RBM25: variants seen among roughly 807,000 people sequenced by gnomAD.
RBM25 encodes RNA-binding protein 25.
Under a neutral mutation model 120.7 loss-of-function variants are expected in RBM25, and 19 were observed. The ratio of observed to expected loss-of-function variants is 0.16; its 90% CI spans 0.11 to 0.23. The LOEUF (loss-of-function observed/expected upper bound fraction) is 0.23, where lower values mean the gene tolerates loss of function less well. Among genes scored for constraint, RBM25 ranks in the 10% least tolerant of loss-of-function variants. The probability of loss-of-function intolerance (pLI) is 1.00; values close to 1 mark genes in which losing one functional copy is unlikely to be tolerated. For synonymous variants in RBM25, 390 were observed against 326.7 expected (o/e 1.19, Z -2.09); for missense variants, 605 against 1,041.5 (o/e 0.58, Z 5.77).
chr14:73,094,614 G>T (rs962222937), intron 6 of RBM25, among the ~76,000 whole-genome samples: 2 of 151,880 alleles, frequency 1.3e-5, no homozygotes, highest in African/African-American at 4.8e-5. Flanking sequence ...TGTGTTTTTA[G>T]TAGAGACGGG....
At chr14:73,114,205 A>T (rs1309876597) in intron 17 of RBM25, 81 bp from the exon 18 acceptor site, 1 of 972,280 alleles carries the variant, frequency 1.0e-6, no homozygotes, top group East Asian at 2.7e-5. Context: ...TATGAATTTG[A>T]GGATTCATAC....
At chr14:73,067,236 A>G (rs574963905) in intron 1 of RBM25, among the ~76,000 whole-genome samples, 5 of 151,862 alleles carry the variant, frequency 3.3e-5, no homozygotes, top group Non-Finnish European at 7.4e-5. Context: ...CACCCAGCTA[A>G]TCAGATACAT....
chr14:73,088,809 C>T (rs188425832), intron 6 of RBM25, among the ~76,000 whole-genome samples: 1 of 152,310 alleles, frequency 6.6e-6, no homozygotes, highest in African/African-American at 2.4e-5. Flanking sequence ...CCAGAAGAGT[C>T]TTTCGCTGTC....
intron 1 of RBM25, among the ~76,000 whole-genome samples, chr14:73,063,325 A>G (rs1263026281): frequency 6.6e-6 from 1 of 150,674 alleles, no homozygotes; most frequent in African/African-American, 2.4e-5. Context: ...AAATTTTTGT[A>G]TTTTTAGTAG....
chr14:73,099,116 A>G (rs1329436298), intron 7 of RBM25, among the ~76,000 whole-genome samples: 1 of 152,156 alleles, frequency 6.6e-6, no homozygotes, highest in East Asian at 1.9e-4. Flanking sequence ...TGTTGGTATG[A>G]TTAGAAAGCC....
Position 73,089,802 on chromosome 14 carries a change from G to A in RBM25, c.543+1641G>A, listed in dbSNP as rs534270836. Among the ~76,000 whole-genome samples the A allele has an allele frequency of 2.2e-3, 337 of 151,664 alleles. 1 individual carries two copies. Among genetic ancestry groups the A allele is most frequent in the African/African-American group, 7.7e-3 (318 of 41,328 alleles). On this transcript the variant is annotated intron_variant, in intron 6 of 18. Coordinates refer to ENST00000261973, the MANE Select transcript of RBM25 (RefSeq NM_021239.3). ...CCTCCTCAGCCTCCCAAGTAGCTGGGATTACAGGTGTCCGCCACCAGGCTC... is the reference window on the plus strand; with the variant it reads ...CCTCCTCAGCCTCCCAAGTAGCTGGAATTACAGGTGTCCGCCACCAGGCTC...
intron 1 of RBM25, among the ~76,000 whole-genome samples, chr14:73,071,285 A>C (rs1895285205): frequency 6.6e-6 from 1 of 151,686 alleles, no homozygotes; most frequent in Non-Finnish European, 1.5e-5. Context: ...AAACTATTAG[A>C]TACCCATCTG....
chr14:73,088,183 C>T, intron 6 of RBM25, 22 bp downstream of exon 6: 1 of 1,612,980 alleles, frequency 6.2e-7, no homozygotes, highest in Non-Finnish European at 8.5e-7. Flanking sequence ...GTCGTGTTAT[C>T]TTTTCTAGGC....
At chr14:73,065,595 T>C (rs759439948) in intron 1 of RBM25, among the ~76,000 whole-genome samples, 3 of 152,060 alleles carry the variant, frequency 2.0e-5, no homozygotes, top group South Asian at 4.1e-4. Flanking sequence ...TGGATAACTT[T>C]TTGTATTAGA....
chr14:73,074,817 T>C (rs1052834243), intron 2 of RBM25, among the ~76,000 whole-genome samples: 4 of 151,478 alleles, frequency 2.6e-5, no homozygotes, highest in African/African-American at 9.7e-5. Flanking sequence ...GTGATTCTCC[T>C]GATTCAGTCT....
intron 1 of RBM25, chr14:73,069,737 C>A (rs1167703880): frequency 1.4e-5 from 1 of 73,398 alleles, no homozygotes; most frequent in Non-Finnish European, 2.6e-5. Flanking sequence ...CCTGGCCGAC[C>A]CTGTTTCTTA....
At chr14:73,099,337 G>A in intron 7 of RBM25, 43 bp from the exon 8 acceptor site, 1 of 1,565,326 alleles carries the variant, frequency 6.4e-7, no homozygotes, top group South Asian at 1.2e-5. Context: ...TATGAGCTCT[G>A]TTTTTCTTTT....
In RBM25 at chr14:73,123,073, TA is replaced by T. The variant is rs1336678445; in HGVS notation, c.*3269del. 1 of 152,178 alleles carries T rather than the reference TA, an allele frequency of 6.6e-6. No homozygotes were observed. The highest frequency in any genetic ancestry group is 1.9e-4 in the East Asian group (1 of 5,208). 9.4% of individuals were successfully genotyped at this position (152,178 alleles called of 1,614,324 possible). On this transcript the variant is annotated 3_prime_UTR_variant, in exon 19 of 19. Transcript: ENST00000261973. The stretch of plus-strand genomic sequence containing the variant: ...CATCCAGCCCTGAAAATTTTTTCTG[TA>T]GATAACTTTATGTTGTAACTTATTC...
In RBM25 at chr14:73,088,160, G is replaced by T. The variant is rs763029142; in HGVS notation, c.542G>T (p.Gly181Val). Reference sequence around the variant, plus strand: ...AAAGCAAAGAAGAAAGCTTCTAATGGGGTATGTTTTCTGTCGTGTTATCTT... The same window carrying T: ...AAAGCAAAGAAGAAAGCTTCTAATGTGGTATGTTTTCTGTCGTGTTATCTT... Reference protein sequence around the residue: ...EWKAKKKASNGNARPETVTND... With the variant: ...EWKAKKKASNVNARPETVTND... The change falls in exon 6 of 19, where the codon GGG (glycine) becomes GTG (valine). Residue 181 changes from glycine (G) to valine (V), a missense_variant and splice_region_variant. Gly to Val is a moderately radical substitution (Grantham distance 109). Transcript: ENST00000261973. The T allele has an allele frequency of 4.3e-6, 7 of 1,613,826 alleles. No homozygotes were observed. The highest frequency in any genetic ancestry group is 5.9e-6 in the Non-Finnish European group (7 of 1,179,962).
Position 73,105,960 on chromosome 14 carries a change from G to C in RBM25, c.1256G>C (p.Arg419Thr). The change falls in exon 11 of 19, where the codon AGG becomes ACG. Residue 419 changes from arginine (R) to threonine (T), a missense_variant. By Grantham distance (71) the Arg-to-Thr change is moderately conservative. This residue lies in a region of RBM25 where 465 missense variants were observed against 741.6 expected (regional missense o/e 0.63). Coordinates refer to ENST00000261973, the MANE Select transcript of RBM25 (RefSeq NM_021239.3). Reference sequence around the variant, plus strand: ...CGGGAGCGAGAGAGAGAGCGAGAGAGGGAACGGGAGCGAGAAAGAGAAAAA... The same window carrying C: ...CGGGAGCGAGAGAGAGAGCGAGAGACGGAACGGGAGCGAGAAAGAGAAAAA... ...RERERERERE[R>T]EREREREKDK... 6.2e-7 allele frequency: 1 copy of C among 1,613,640 alleles called. No individual in the cohort carries two copies. The highest frequency in any genetic ancestry group is 8.5e-7 in the Non-Finnish European group (1 of 1,179,868).
chr14:73,095,336 T>TGGC (rs1341825635), intron 6 of RBM25, among the ~76,000 whole-genome samples: 3 of 752 alleles, frequency 4.0e-3, no homozygotes, highest in Non-Finnish European at 8.8e-3. Flanking sequence ...ATGGGTGTGG[T>TGGC]CGTCACGCCT....
rs1442006550 is a variant in RBM25 at position 73,093,965 on chromosome 14, T to G, written c.544-2950T>G. On this transcript the variant is annotated intron_variant, in intron 6 of 18. Transcript: ENST00000261973. ...CAGGTTTTGTTTTTTTTTTTTTTTT[T>G]TCTTGAGACAGAGTCTCACTCTGTC... Among the ~76,000 whole-genome samples, 4 of 148,810 alleles carry G rather than the reference T, an allele frequency of 2.7e-5. No individual in the cohort carries two copies. The East Asian group carries it at 7.9e-4, about 29-fold the overall frequency.
chr14:73,095,177 G>A (rs1319610228), intron 6 of RBM25, among the ~76,000 whole-genome samples: 1 of 152,060 alleles, frequency 6.6e-6, no homozygotes, highest in Non-Finnish European at 1.5e-5. Flanking sequence ...GTAATAACAT[G>A]TAATGCCTTA....
intron 6 of RBM25, among the ~76,000 whole-genome samples, chr14:73,091,888 C>T (rs973466861): frequency 2.0e-5 from 3 of 151,270 alleles, no homozygotes; most frequent in African/African-American, 7.3e-5. Context: ...AAAAAAAAAG[C>T]GAAGTTACAT....
Sources: gnomAD v4.1 joint callset for allele counts (sites outside exome capture counted in the v4.1 genomes callset) on GRCh38, gnomAD v4.1.1 for gene constraint, gnomAD v4.1.1 regional missense constraint, MANE v1.5 for transcripts, NCBI Gene and HGNC (gene_info 2026-07-23, HGNC 2026-07-21) for gene names.